UBE2V2: variants seen among roughly 807,000 people sequenced by gnomAD.
The protein encoded by UBE2V2 is ubiquitin conjugating enzyme E2 V2, also known as ubiquitin-conjugating enzyme E2 variant 2.
Under a neutral mutation model 17.2 loss-of-function variants are expected in UBE2V2, and 9 were observed. The ratio of observed to expected loss-of-function variants is 0.52; its 90% CI spans 0.32 to 0.91. The LOEUF (loss-of-function observed/expected upper bound fraction) is 0.91. UBE2V2 is among the 40% of genes least tolerant of loss of function. The pLI, the probability that UBE2V2 is intolerant of heterozygous loss-of-function variation, is 0.04. For missense variants in UBE2V2, 133 were observed against 182.6 expected (o/e 0.73, Z 1.56); for synonymous variants, 61 against 57.5 (o/e 1.06, Z -0.28).
intron 1 of UBE2V2, among the ~76,000 whole-genome samples, chr8:48,029,292 G>GC (rs1479651008): frequency 6.6e-6 from 1 of 152,100 alleles, no homozygotes; most frequent in African/African-American, 2.4e-5. Flanking sequence ...TTGTACCACT[G>GC]CCCACCAGCC....
At chr8:48,041,516 A>C (rs2091464445) in intron 1 of UBE2V2, among the ~76,000 whole-genome samples, 1 of 152,206 alleles carries the variant, frequency 6.6e-6, no homozygotes. Flanking sequence ...TACTGTATGC[A>C]AATAAAAGTA....
chr8:48,024,968 TCTGTTG>T (rs560510190), intron 1 of UBE2V2, among the ~76,000 whole-genome samples: 99 of 152,014 alleles, frequency 6.5e-4, no homozygotes, highest in African/African-American at 2.1e-3. Context: ...CGAGTCTTGT[TCTGTTG>T]CCCGGGCTGG....
chr8:48,008,465 C>T lies in UBE2V2; in HGVS notation c.11C>T (p.Ser4Phe). MAV[S>F]TGVKVPRNFR... ...GGGCTGCAGGAGAAGATGGCGGTCT[C>T]CACAGGTCGGTTCCCGGGCCGGGCT... Residue 4 changes from serine to phenylalanine, a missense_variant, in exon 1 of 4, where the codon TCC becomes TTC. Ser to Phe is a radical substitution (Grantham distance 155). Transcript: ENST00000523111. 1 of 1,568,646 alleles carries T rather than the reference C, an allele frequency of 6.4e-7. No homozygotes were observed. The highest frequency in any genetic ancestry group is 1.4e-5 in the African/African-American group (1 of 70,736).
chr8:48,010,266 T>G (rs2091218546), intron 1 of UBE2V2, among the ~76,000 whole-genome samples: 1 of 150,990 alleles, frequency 6.6e-6, no homozygotes, highest in Non-Finnish European at 1.5e-5. Context: ...AGATGGAGTC[T>G]CGCTGCATTG....
At chr8:48,056,498 C>G (rs2154508161) in intron 3 of UBE2V2, among the ~76,000 whole-genome samples, 1 of 152,306 alleles carries the variant, frequency 6.6e-6, no homozygotes, top group Admixed American at 6.5e-5. Flanking sequence ...AGCTTCTCCA[C>G]ATCCTTGCTA....
the UBE2V2 span, among the ~76,000 whole-genome samples, chr8:47,998,408 C>T: frequency 3.3e-5 from 5 of 152,014 alleles, no homozygotes; most frequent in Admixed American, 6.6e-5. Flanking sequence ...AGAAGGTAAC[C>T]GCCGTGTCAG....
At chr8:48,005,636 C>T (rs1213155760), upstream of UBE2V2, among the ~76,000 whole-genome samples, 1 of 152,210 alleles carries the variant, frequency 6.6e-6, no homozygotes, top group Non-Finnish European at 1.5e-5. Context: ...CTCCCACCAA[C>T]AGTGTAAAAG....
chr8:48,046,962 T>C (rs566294179), intron 2 of UBE2V2, among the ~76,000 whole-genome samples: 2 of 151,222 alleles, frequency 1.3e-5, no homozygotes, highest in Admixed American at 1.3e-4. Flanking sequence ...TTTTTTGAGA[T>C]GGAGCTTTGC....
chr8:48,035,626 T>TG (rs2091417540), intron 1 of UBE2V2, among the ~76,000 whole-genome samples: 3 of 138,586 alleles, frequency 2.2e-5, no homozygotes, highest in Non-Finnish European at 3.1e-5. Flanking sequence ...ATTGTTTTTT[T>TG]TTTTTTGTGT....
intron 1 of UBE2V2, among the ~76,000 whole-genome samples, chr8:48,024,131 G>A (rs1411662719): frequency 6.6e-6 from 1 of 152,148 alleles, no homozygotes; most frequent in Non-Finnish European, 1.5e-5. Context: ...TTGTGGCTGT[G>A]TATAGGTACT....
At chr8:48,027,568 T>A (rs2091354074) in intron 1 of UBE2V2, among the ~76,000 whole-genome samples, 2 of 152,156 alleles carry the variant, frequency 1.3e-5, no homozygotes, top group Non-Finnish European at 2.9e-5. Flanking sequence ...GGTGCAGTCT[T>A]GGCTTACTGC....
intron 1 of UBE2V2, among the ~76,000 whole-genome samples, chr8:48,026,365 T>A (rs188894172): frequency 6.6e-6 from 1 of 152,322 alleles, no homozygotes; most frequent in East Asian, 1.9e-4. Flanking sequence ...GAACTTCTGG[T>A]GGATGGAGAT....
At chr8:48,004,280 G>A (rs1213966648), upstream of UBE2V2, among the ~76,000 whole-genome samples, 1 of 152,158 alleles carries the variant, frequency 6.6e-6, no homozygotes, top group African/African-American at 2.4e-5. Flanking sequence ...GCTAGAGGCT[G>A]TTGCTAAGTA....
intron 1 of UBE2V2, among the ~76,000 whole-genome samples, chr8:48,023,652 A>G (rs1032032071): frequency 6.6e-6 from 1 of 152,078 alleles, no homozygotes; most frequent in African/African-American, 2.4e-5. Context: ...CAGGAGGATC[A>G]CTTGAGGTCA....
intron 1 of UBE2V2, among the ~76,000 whole-genome samples, chr8:48,020,710 GTCT>G: frequency 6.6e-6 from 1 of 152,152 alleles, no homozygotes; most frequent in East Asian, 1.9e-4. Flanking sequence ...GGCTCAAGCC[GTCT>G]TCTTGCCTCA....
the UBE2V2 span, among the ~76,000 whole-genome samples, chr8:47,998,186 A>G: frequency 6.6e-6 from 1 of 152,036 alleles, no homozygotes; most frequent in Non-Finnish European, 1.5e-5. Context: ...GTATTACAGT[A>G]AAAGATAAGC....
chr8:48,008,873 A>C (rs1437362422), intron 1 of UBE2V2, among the ~76,000 whole-genome samples: 7 of 152,096 alleles, frequency 4.6e-5, no homozygotes, highest in Admixed American at 4.6e-4. Context: ...TCAGGCCAAG[A>C]GGTGTCCTGG....
chr8:48,048,820 A>C (rs551470034), intron 2 of UBE2V2, among the ~76,000 whole-genome samples: 3 of 152,252 alleles, frequency 2.0e-5, no homozygotes, highest in African/African-American at 7.2e-5. Context: ...CTCTGGTCTT[A>C]TACAGCAGCC....
At chr8:48,027,128 G>C (rs1322046725) in intron 1 of UBE2V2, among the ~76,000 whole-genome samples, 3 of 152,106 alleles carry the variant, frequency 2.0e-5, no homozygotes, top group Admixed American at 6.6e-5. Context: ...TGGATGCCAC[G>C]TAGCTTGGAT....
Sources: allele counts gnomAD v4.1 joint callset (sites outside exome capture counted in the v4.1 genomes callset), GRCh38; gene constraint gnomAD v4.1.1; transcripts MANE v1.5; gene names NCBI Gene and HGNC (gene_info 2026-07-23, HGNC 2026-07-21).